IL1RAPL1: variants seen among roughly 807,000 people sequenced by gnomAD.
IL1RAPL1 encodes interleukin 1 receptor accessory protein like 1.
IL1RAPL1 carries 3 observed loss-of-function variants against 48.4 expected under a neutral mutation model. The ratio of observed to expected loss-of-function variants is 0.06; its 90% CI spans 0.03 to 0.16. IL1RAPL1 has a LOEUF of 0.16. Ranked by LOEUF, IL1RAPL1 falls within the 10% of genes least tolerant of loss-of-function variation. The pLI is 1.00. For missense variants in IL1RAPL1, 349 were observed against 530.6 expected (o/e 0.66, Z 3.36); for synonymous variants, 185 against 187.7 (o/e 0.99, Z 0.12).
intron 6 of IL1RAPL1, among the ~76,000 whole-genome samples, chrX:29,685,275 G>A (rs768877080): frequency 1.2e-3 from 139 of 111,688 alleles, no homozygotes; most frequent in African/African-American, 4.2e-3. Flanking sequence ...GGCCGAGGTG[G>A]GCAGATCACC....
At chrX:28,987,013 C>A (rs1925491177) in intron 2 of IL1RAPL1, among the ~76,000 whole-genome samples, 1 of 112,384 alleles carries the variant, frequency 8.9e-6, no homozygotes, top group Admixed American at 9.5e-5. Flanking sequence ...ATTTTAGAAT[C>A]TGTTTAGCCA....
intron 2 of IL1RAPL1, among the ~76,000 whole-genome samples, chrX:29,210,623 A>G (rs1319519525): frequency 8.9e-6 from 1 of 111,930 alleles, no homozygotes; most frequent in Non-Finnish European, 1.9e-5. Flanking sequence ...ATCATGAAAT[A>G]TGTAATTCTC....
chrX:29,019,409 TGA>T (rs1005473642), intron 2 of IL1RAPL1, among the ~76,000 whole-genome samples: 1 of 111,627 alleles, frequency 9.0e-6, no homozygotes, highest in African/African-American at 3.3e-5. Flanking sequence ...TTATGGTGTG[TGA>T]GTTATATCTC....
chrX:29,509,884 A>G (rs1380944148), intron 5 of IL1RAPL1, among the ~76,000 whole-genome samples: 1 of 112,471 alleles, frequency 8.9e-6, no homozygotes, highest in East Asian at 2.8e-4. Context: ...TCTTGGAAGT[A>G]ATTTGACAGT....
chrX:29,700,188 G>A (rs1158276757), intron 6 of IL1RAPL1, among the ~76,000 whole-genome samples: 1 of 111,613 alleles, frequency 9.0e-6, no homozygotes, highest in East Asian at 2.8e-4. Flanking sequence ...TAAGTTTGAG[G>A]CAAAAGACTG....
At chrX:29,926,515 CAG>C (rs1932892920) in intron 8 of IL1RAPL1, among the ~76,000 whole-genome samples, 1 of 112,076 alleles carries the variant, frequency 8.9e-6, no homozygotes, top group African/African-American at 3.2e-5. Context: ...ATTCTTGATA[CAG>C]ATCTTTAACT....
chrX:29,158,156 A>G (rs185893896), intron 2 of IL1RAPL1, among the ~76,000 whole-genome samples: 12 of 111,204 alleles, frequency 1.1e-4, no homozygotes, highest in Admixed American at 2.9e-4. Flanking sequence ...CTTCCCCCTT[A>G]TCTCACTCCC....
At chrX:29,666,202 C>T (rs773202733) in intron 5 of IL1RAPL1, among the ~76,000 whole-genome samples, 139 of 111,303 alleles carry the variant, frequency 1.2e-3, no homozygotes, top group Non-Finnish European at 1.8e-3. Context: ...TAAAGATATT[C>T]CAAACCCTGT....
chrX:28,920,594 C>A (rs1316389306), intron 2 of IL1RAPL1, among the ~76,000 whole-genome samples: 1 of 111,800 alleles, frequency 8.9e-6, no homozygotes, highest in African/African-American at 3.2e-5. Context: ...GGCTAAGATT[C>A]ACTCACCCTT....
At chrX:28,600,369 C>T (rs1452901424) in intron 1 of IL1RAPL1, among the ~76,000 whole-genome samples, 3 of 110,030 alleles carry the variant, frequency 2.7e-5, no homozygotes, top group African/African-American at 9.9e-5. Flanking sequence ...CTAATGAGCA[C>T]GTTCTATGTG....
intron 3 of IL1RAPL1, among the ~76,000 whole-genome samples, chrX:29,303,111 T>G (rs1024935540): frequency 1.8e-5 from 2 of 111,746 alleles, no homozygotes; most frequent in African/African-American, 6.5e-5. Flanking sequence ...AAGGTTGGTC[T>G]CAGGGCCAGA....
chrX:29,267,420 G>C (rs1348338483), intron 2 of IL1RAPL1, among the ~76,000 whole-genome samples: 1 of 111,776 alleles, frequency 8.9e-6, no homozygotes, highest in Non-Finnish European at 1.9e-5. Flanking sequence ...TGACACCATA[G>C]GGTTATTAAC....
intron 1 of IL1RAPL1, among the ~76,000 whole-genome samples, chrX:28,688,103 C>CAAAA (rs55752146): frequency 6.2e-4 from 31 of 49,948 alleles, no homozygotes; most frequent in East Asian, 3.5e-3. Context: ...GACTCTGTCT[C>CAAAA]AAAAAAAAAA....
chrX:29,915,061 C>CA (rs1179075907), intron 6 of IL1RAPL1, among the ~76,000 whole-genome samples: 1 of 109,216 alleles, frequency 9.2e-6, no homozygotes, highest in African/African-American at 3.5e-5. Context: ...TTTGGGAGGC[C>CA]AAGGCGGGCA....
At chrX:28,760,782 A>G (rs972344407) in intron 1 of IL1RAPL1, among the ~76,000 whole-genome samples, 1 of 111,148 alleles carries the variant, frequency 9.0e-6, no homozygotes, top group African/African-American at 3.3e-5. Flanking sequence ...CAGAATAGCT[A>G]TTATTAAAAA....
At chrX:29,555,331 C>T (rs1429876716) in intron 5 of IL1RAPL1, among the ~76,000 whole-genome samples, 1 of 112,420 alleles carries the variant, frequency 8.9e-6, no homozygotes, top group Non-Finnish European at 1.9e-5. Flanking sequence ...CGTGAGGCAA[C>T]CATTTTAAAA....
chrX:29,132,736 T>G, intron 2 of IL1RAPL1, among the ~76,000 whole-genome samples: 1 of 112,177 alleles, frequency 8.9e-6, no homozygotes. Context: ...GGCTTTTGTC[T>G]TCCCTTGATC....
At chrX:29,006,577 A>C (rs1193868608) in intron 2 of IL1RAPL1, among the ~76,000 whole-genome samples, 2 of 104,148 alleles carry the variant, frequency 1.9e-5, no homozygotes, top group Non-Finnish European at 3.9e-5. Flanking sequence ...TCTTGCCCTC[A>C]ATCTCTGGGT....
At chrX:28,593,662 T>C (rs181686671) in intron 1 of IL1RAPL1, among the ~76,000 whole-genome samples, 23 of 111,799 alleles carry the variant, frequency 2.1e-4, no homozygotes, top group Admixed American at 3.8e-4. Context: ...ATTGTAATCA[T>C]ATAATTATAG....
Sources: gnomAD v4.1 joint callset for allele counts (sites outside exome capture counted in the v4.1 genomes callset) on GRCh38, gnomAD v4.1.1 for gene constraint, MANE v1.5 for transcripts, NCBI Gene and HGNC (gene_info 2026-07-23, HGNC 2026-07-21) for gene names.